The following COPG2 variants were observed in gnomAD, a reference collection of about 807,000 sequenced individuals.
COPG2 encodes coat protein complex I subunit gamma 2, also known as coatomer subunit gamma-2.
COPG2 carries 37 observed loss-of-function variants against 46.3 expected under a neutral mutation model. The ratio of observed to expected loss-of-function variants is 0.80; its 90% CI spans 0.61 to 1.05. The LOEUF is 1.05. COPG2 is among the 50% of genes least tolerant of loss of function. COPG2 has a pLI of 0.00. For synonymous variants in COPG2, 159 were observed against 129.7 expected (o/e 1.23, Z -1.53); for missense variants, 427 against 387.8 (o/e 1.10, Z -0.85).
At chr7:130,636,882 A>C (rs1795348614) in intron 5 of COPG2, among the ~76,000 whole-genome samples, 1 of 152,108 alleles carries the variant, frequency 6.6e-6, no homozygotes, top group Non-Finnish European at 1.5e-5. Context: ...TTCCATATTT[A>C]GTGCTCCTTT....
At chr7:130,632,532 T>C (rs1011474928) in intron 5 of COPG2, among the ~76,000 whole-genome samples, 53 of 152,178 alleles carry the variant, frequency 3.5e-4, no homozygotes, top group African/African-American at 1.2e-3. Context: ...AATTTTTTTT[T>C]CGCACCAATA....
intron 6 of COPG2, among the ~76,000 whole-genome samples, chr7:130,615,333 G>A (rs1554452710): frequency 1.3e-5 from 2 of 152,178 alleles, no homozygotes; most frequent in East Asian, 1.9e-4. Context: ...TATATGAGGA[G>A]TGTGGATCTT....
chr7:130,558,748 C>T (rs955100405), intron 12 of COPG2, among the ~76,000 whole-genome samples: 1 of 152,130 alleles, frequency 6.6e-6, no homozygotes, highest in African/African-American at 2.4e-5. Context: ...TCTTGAACTC[C>T]TGGACTCAAG....
intron 5 of COPG2, among the ~76,000 whole-genome samples, chr7:130,627,996 C>T (rs1795147689): frequency 6.6e-6 from 1 of 152,060 alleles, no homozygotes; most frequent in African/African-American, 2.4e-5. Flanking sequence ...AGTATACAGC[C>T]TTCATTGTCT....
chr7:130,526,868 T>G, intron 20 of COPG2, among the ~76,000 whole-genome samples: 1 of 69,204 alleles, frequency 1.4e-5, no homozygotes, highest in Non-Finnish European at 2.9e-5. Flanking sequence ...GGATTGGGTT[T>G]GGGATGGGGT....
intron 20 of COPG2, among the ~76,000 whole-genome samples, chr7:130,533,770 C>A (rs1799851688): frequency 6.6e-6 from 1 of 152,044 alleles, no homozygotes. Flanking sequence ...TGGTAGGGAA[C>A]ATGGACTAGA....
chr7:130,570,008 C>G (rs927938032), intron 9 of COPG2, among the ~76,000 whole-genome samples: 162 of 152,276 alleles, frequency 1.1e-3, no homozygotes, highest in Non-Finnish European at 1.5e-3. Context: ...TCCAGCATCC[C>G]TTTATGATTA....
At chr7:130,550,862 T>C (rs988147265) in intron 16 of COPG2, among the ~76,000 whole-genome samples, 33 of 152,282 alleles carry the variant, frequency 2.2e-4, no homozygotes, top group Non-Finnish European at 2.5e-4. Flanking sequence ...CATGGGAGCA[T>C]AGCATACACA....
At chr7:130,621,875 T>C (rs1795044456) in intron 5 of COPG2, among the ~76,000 whole-genome samples, 1 of 135,686 alleles carries the variant, frequency 7.4e-6, no homozygotes, top group African/African-American at 2.8e-5. Context: ...ACCCAGGAGA[T>C]GGAGGTTGCA....
At chr7:130,654,765 T>C (rs1169652464) in intron 4 of COPG2, among the ~76,000 whole-genome samples, 1 of 152,184 alleles carries the variant, frequency 6.6e-6, no homozygotes, top group Non-Finnish European at 1.5e-5. Flanking sequence ...TGTTTATTTC[T>C]ACTCTGTCTT....
rs1554448799 is a variant in COPG2 at position 130,591,163 on chromosome 7, G to A, written c.737+19790C>T. 5.2e-3 allele frequency among the ~76,000 whole-genome samples: 728 copies of A among 139,462 alleles called. 7 individuals are homozygous for A. The highest frequency in any genetic ancestry group is 0.018 in the African/African-American group (682 of 37,364). 91.5% of individuals were successfully genotyped at this position (139,462 alleles called of 152,430 possible). ...GGTGGGGGGGGTCAGCCCCCCGCCC[G>A]GCCAGCCGCCCCGTCCGGGAGGTGA... On this transcript the variant is annotated intron_variant, in intron 9 of 23. Coordinates refer to ENST00000425248, the MANE Select transcript of COPG2 (RefSeq NM_012133.6).
In COPG2 at chr7:130,615,249, A is replaced by G. The variant is rs546225180; in HGVS notation, c.400-1613T>C. Among the ~76,000 whole-genome samples the G allele has an allele frequency of 3.3e-5, 5 of 152,360 alleles. No individual in the cohort carries two copies. The East Asian group carries it at 9.6e-4, about 29-fold the overall frequency. ...TGCCAGTGCATTCTTTTATACTTATAGCCACCAAGTGAACTGGATTATCGC... is the reference window on the plus strand; with the variant it reads ...TGCCAGTGCATTCTTTTATACTTATGGCCACCAAGTGAACTGGATTATCGC... On this transcript the variant is annotated intron_variant, in intron 6 of 23. Coordinates refer to ENST00000425248, the MANE Select transcript of COPG2 (RefSeq NM_012133.6).
intron 20 of COPG2, among the ~76,000 whole-genome samples, chr7:130,536,411 A>AC (rs1350057872): frequency 6.6e-6 from 1 of 152,034 alleles, no homozygotes; most frequent in Non-Finnish European, 1.5e-5. Flanking sequence ...GGGGACATGG[A>AC]CCCCCAGGCA....
At chr7:130,568,450 T>C in intron 9 of COPG2, among the ~76,000 whole-genome samples, 1 of 152,140 alleles carries the variant, frequency 6.6e-6, no homozygotes, top group East Asian at 1.9e-4. Flanking sequence ...GCAACAATAG[T>C]TTAAAAAGCA....
At chr7:130,570,906 A>G (rs1421049310) in intron 9 of COPG2, among the ~76,000 whole-genome samples, 2 of 152,218 alleles carry the variant, frequency 1.3e-5, no homozygotes, top group African/African-American at 2.4e-5. Context: ...AACTACTTAT[A>G]GCCAACTGAT....
intron 9 of COPG2, among the ~76,000 whole-genome samples, chr7:130,595,150 G>A (rs1018785072): frequency 3.3e-5 from 5 of 151,978 alleles, no homozygotes; most frequent in Non-Finnish European, 7.4e-5. Context: ...AATAAAATAC[G>A]GTATATTTAT....
At chr7:130,644,970 G>A (rs1347077933) in intron 5 of COPG2, among the ~76,000 whole-genome samples, 2 of 151,504 alleles carry the variant, frequency 1.3e-5, no homozygotes, top group African/African-American at 4.9e-5. Context: ...GCTGAGGCAG[G>A]AGAATCGCTT....
intron 9 of COPG2, among the ~76,000 whole-genome samples, chr7:130,583,493 TAAAAAAAAA>T (rs782593413): frequency 5.8e-5 from 2 of 34,388 alleles, no homozygotes; most frequent in Non-Finnish European, 9.7e-5. Flanking sequence ...ACATAAAGTA[TAAAAAAAAA>T]AAAAAAAAAA....
At chr7:130,638,895 G>A (rs1584600043) in intron 5 of COPG2, among the ~76,000 whole-genome samples, 1 of 152,250 alleles carries the variant, frequency 6.6e-6, no homozygotes, top group African/African-American at 2.4e-5. Flanking sequence ...CTGCAGGTTT[G>A]AAGACCATGG....
Sources: gnomAD v4.1 joint callset for allele counts (sites outside exome capture counted in the v4.1 genomes callset) on GRCh38, gnomAD v4.1.1 for gene constraint, MANE v1.5 for transcripts, NCBI Gene and HGNC (gene_info 2026-07-23, HGNC 2026-07-21) for gene names.